PRIM2: variants seen among roughly 807,000 people sequenced by gnomAD.
The protein encoded by PRIM2 is DNA primase subunit 2.
In PRIM2, 39 loss-of-function variants were observed where a neutral mutation model predicts 67.3. The observed-to-expected ratio is 0.58, with a 90% CI of 0.45 to 0.76. The LOEUF (loss-of-function observed/expected upper bound fraction) is 0.76. PRIM2 is among the 30% of genes least tolerant of loss of function. The pLI, the probability that PRIM2 is intolerant of heterozygous loss-of-function variation, is 0.00. For missense variants in PRIM2, 398 were observed against 598.7 expected (o/e 0.66, Z 3.50); for synonymous variants, 143 against 198.7 (o/e 0.72, Z 2.36).
chr6:57,331,706 T>A (rs955552149), intron 5 of PRIM2, among the ~76,000 whole-genome samples: 2 of 152,152 alleles, frequency 1.3e-5, no homozygotes, highest in African/African-American at 4.8e-5. Flanking sequence ...TTTTCTCTTA[T>A]CCTTTTGATT....
the PRIM2 span, among the ~76,000 whole-genome samples, chr6:57,234,600 T>C: frequency 6.6e-6 from 1 of 151,030 alleles, no homozygotes. Flanking sequence ...CTTGGCTCAC[T>C]GCAACCTCCG....
At chr6:57,437,705 A>G (rs1239046732) in intron 7 of PRIM2, among the ~76,000 whole-genome samples, 3 of 131,940 alleles carry the variant, frequency 2.3e-5, no homozygotes, top group Admixed American at 9.0e-5. Context: ...TTACTCTGTC[A>G]TTCAGGCTGG....
At chr6:57,614,928 C>T (rs1325323501) in intron 12 of PRIM2, among the ~76,000 whole-genome samples, 1 of 152,164 alleles carries the variant, frequency 6.6e-6, no homozygotes. Context: ...TCAAAATTGG[C>T]AGTGAGTTAA....
the PRIM2 span, among the ~76,000 whole-genome samples, chr6:57,233,355 C>T: frequency 3.3e-5 from 5 of 152,154 alleles, no homozygotes. Flanking sequence ...TACAAAGATA[C>T]ATAAAACATT....
At chr6:57,635,615 C>T (rs1444370417) in intron 13 of PRIM2, among the ~76,000 whole-genome samples, 152 of 152,274 alleles carry the variant, frequency 1.0e-3, no homozygotes, top group Non-Finnish European at 1.2e-3. Context: ...CATAATTTTT[C>T]CCCACCATAT....
At chr6:57,332,864 T>G (rs1445929042) in intron 5 of PRIM2, among the ~76,000 whole-genome samples, 1 of 152,164 alleles carries the variant, frequency 6.6e-6, no homozygotes. Flanking sequence ...TTTTATCCAT[T>G]TATGTTTAAT....
At chr6:57,484,624 C>T (rs1183224436) in intron 7 of PRIM2, among the ~76,000 whole-genome samples, 1 of 152,128 alleles carries the variant, frequency 6.6e-6, no homozygotes, top group Admixed American at 6.5e-5. Context: ...GGGCCTTAAA[C>T]TTGGTTTTTC....
intron 7 of PRIM2, among the ~76,000 whole-genome samples, chr6:57,435,733 A>G (rs2127381914): frequency 6.6e-6 from 1 of 152,318 alleles, no homozygotes; most frequent in Non-Finnish European, 1.5e-5. Context: ...ATCTATTGTC[A>G]AAGATAAACA....
At chr6:57,375,920 A>G in intron 5 of PRIM2, among the ~76,000 whole-genome samples, 1 of 152,062 alleles carries the variant, frequency 6.6e-6, no homozygotes, top group South Asian at 2.1e-4. Flanking sequence ...AAAAATTTAA[A>G]AAATGGCCAG....
chr6:57,321,533 G>A lies in PRIM2; in HGVS notation c.258+973G>A, dbSNP rs544273167. 3.3e-5 allele frequency among the ~76,000 whole-genome samples: 5 copies of A among 152,220 alleles called. No homozygotes were observed. In the South Asian group the frequency reaches 1.0e-3, roughly 32 times the overall value. On this transcript the variant is annotated intron_variant, in intron 3 of 13. Coordinates refer to ENST00000615550, the MANE Select transcript of PRIM2 (RefSeq NM_000947.5). ...GACATGAGGAATACCAATATTGAAGGTAAAGTGGAATTGGAGGAATTTGGG... is the reference window on the plus strand; with the variant it reads ...GACATGAGGAATACCAATATTGAAGATAAAGTGGAATTGGAGGAATTTGGG...
chr6:57,446,433 T>TTTTTTTTTTG (rs1772369420), intron 7 of PRIM2, among the ~76,000 whole-genome samples: 1 of 143,322 alleles, frequency 7.0e-6, no homozygotes, highest in African/African-American at 2.6e-5. Flanking sequence ...TTTTTTTTTT[T>TTTTTTTTTTG]GAGACAGTCT....
At chr6:57,502,973 A>G (rs1251815695) in intron 7 of PRIM2, among the ~76,000 whole-genome samples, 1 of 152,212 alleles carries the variant, frequency 6.6e-6, no homozygotes, top group East Asian at 1.9e-4. Flanking sequence ...CCTCTCCTTG[A>G]TAGGACATAT....
intron 7 of PRIM2, among the ~76,000 whole-genome samples, chr6:57,473,745 T>C (rs2127402730): frequency 6.6e-6 from 1 of 152,248 alleles, no homozygotes; most frequent in East Asian, 1.9e-4. Flanking sequence ...GACAAATATT[T>C]CCCTGGCAAC....
At chr6:57,560,068 G>C (rs2127477871) in intron 10 of PRIM2, among the ~76,000 whole-genome samples, 1 of 152,284 alleles carries the variant, frequency 6.6e-6, no homozygotes, top group Admixed American at 6.5e-5. Flanking sequence ...CTGTTTGATA[G>C]CATTTTACCT....
intron 8 of PRIM2, among the ~76,000 whole-genome samples, chr6:57,531,016 T>G (rs1392796403): frequency 6.6e-6 from 1 of 152,222 alleles, no homozygotes; most frequent in Non-Finnish European, 1.5e-5. Flanking sequence ...TGCTTCATAA[T>G]CCATACCCAT....
At chr6:57,361,632 G>A (rs111298877) in intron 5 of PRIM2, among the ~76,000 whole-genome samples, 51 of 150,786 alleles carry the variant, frequency 3.4e-4, no homozygotes, top group African/African-American at 8.8e-4. Context: ...ATGCAAATGT[G>A]TCTTTTAAGA....
intron 7 of PRIM2, among the ~76,000 whole-genome samples, chr6:57,475,577 C>T (rs1372503523): frequency 6.6e-5 from 10 of 152,236 alleles, no homozygotes; most frequent in African/African-American, 2.4e-4. Context: ...TGTGCATATA[C>T]CAGAATAATG....
chr6:57,248,129 T>C, the PRIM2 span, among the ~76,000 whole-genome samples: 2 of 152,180 alleles, frequency 1.3e-5, no homozygotes, highest in Admixed American at 1.3e-4. Context: ...CAAGTGTATT[T>C]ACATGTGACT....
At chr6:57,381,031 C>T (rs1477299541) in intron 6 of PRIM2, among the ~76,000 whole-genome samples, 3 of 151,730 alleles carry the variant, frequency 2.0e-5, no homozygotes, top group Admixed American at 1.3e-4. Flanking sequence ...CATGTTTCTT[C>T]CCTATATTAT....
Sources: gnomAD v4.1 joint callset for allele counts (sites outside exome capture counted in the v4.1 genomes callset) on GRCh38, gnomAD v4.1.1 for gene constraint, MANE v1.5 for transcripts, NCBI Gene and HGNC (gene_info 2026-07-23, HGNC 2026-07-21) for gene names.